Variants in GPC5 observed in about 807,000 individuals in gnomAD.
The protein encoded by GPC5 is glypican 5, also known as glypican-5.
A neutral mutation model predicts 53.9 loss-of-function variants in GPC5; 47 were observed. That is an observed-to-expected ratio of 0.87 (90% CI 0.69 to 1.11). The LOEUF (loss-of-function observed/expected upper bound fraction) is 1.11. Ranked by LOEUF, GPC5 falls within the 50% of genes most tolerant of loss-of-function variation. GPC5 has a pLI of 0.00. For synonymous variants in GPC5, 286 were observed against 263.3 expected, an observed-to-expected ratio of 1.09 and a Z score of -0.84; for missense variants, 748 against 713.1, an observed-to-expected ratio of 1.05 and a Z score of -0.56.
chr13:91,923,776 A>C (rs2039740429), intron 6 of GPC5, among the ~76,000 whole-genome samples: 1 of 152,148 alleles, frequency 6.6e-6, no homozygotes, highest in Admixed American at 6.5e-5. Context: ...TTATCAAACC[A>C]GGCCTGAAAC....
At chr13:91,410,626 G>C (rs28450250) in intron 1 of GPC5, among the ~76,000 whole-genome samples, 7 of 151,722 alleles carry the variant, frequency 4.6e-5, no homozygotes, top group Non-Finnish European at 7.4e-5. Context: ...GATTACAGGC[G>C]TGAGCCACTA....
intron 7 of GPC5, among the ~76,000 whole-genome samples, chr13:92,853,851 T>C (rs1878896238): frequency 6.6e-6 from 1 of 152,178 alleles, no homozygotes; most frequent in South Asian, 2.1e-4. Flanking sequence ...GAATATCCAA[T>C]AGTGCCGCAT....
Position 91,908,067 on chromosome 13 carries a change from G to A in GPC5, c.1401+10G>A. 1 of 1,511,384 alleles carries A rather than the reference G, an allele frequency of 6.6e-7. No individual in the cohort carries two copies. The highest frequency in any genetic ancestry group is 8.8e-7 in the Non-Finnish European group (1 of 1,137,874). The allele number at this position is 1,511,384 out of a possible 1,614,324, so 93.6% of individuals were successfully genotyped here. ...GAAGCATGTTGTTCAGGTAAGTCCT[G>A]ATCCTATATTTATTAGTATACTCAG... On this transcript the variant is annotated intron_variant, in intron 6 of 7. Coordinates refer to ENST00000377067, the MANE Select transcript of GPC5 (RefSeq NM_004466.6).
chr13:91,673,120 A>T (rs564250167), intron 2 of GPC5, among the ~76,000 whole-genome samples: 1 of 152,250 alleles, frequency 6.6e-6, no homozygotes, highest in East Asian at 1.9e-4. Context: ...AGGATGGGCC[A>T]ATAGGTACAG....
At chr13:92,116,105 A>G (rs2138935559) in intron 6 of GPC5, among the ~76,000 whole-genome samples, 1 of 152,228 alleles carries the variant, frequency 6.6e-6, no homozygotes, top group Non-Finnish European at 1.5e-5. Flanking sequence ...TCAGAAAAAA[A>G]ATAAGTGTGG....
intron 7 of GPC5, among the ~76,000 whole-genome samples, chr13:92,176,225 G>A (rs2042108461): frequency 6.6e-6 from 1 of 151,958 alleles, no homozygotes; most frequent in African/African-American, 2.4e-5. Context: ...CTCAGATGAT[G>A]ATGGCACTGC....
At chr13:92,635,066 CATTTAT>C (rs1885370064) in intron 7 of GPC5, among the ~76,000 whole-genome samples, 1 of 151,724 alleles carries the variant, frequency 6.6e-6, no homozygotes, top group Non-Finnish European at 1.5e-5. Flanking sequence ...CTGAAATATA[CATTTAT>C]AGTTCTTATA....
intron 6 of GPC5, among the ~76,000 whole-genome samples, chr13:92,033,918 C>T (rs951582868): frequency 1.3e-5 from 2 of 152,174 alleles, no homozygotes; most frequent in East Asian, 1.9e-4. Context: ...GCCTTAATTT[C>T]GTCATTTGAA....
intron 7 of GPC5, among the ~76,000 whole-genome samples, chr13:92,298,731 C>G (rs938458108): frequency 6.6e-6 from 1 of 152,212 alleles, no homozygotes; most frequent in African/African-American, 2.4e-5. Flanking sequence ...TGTGGGTCGT[C>G]TCAGGTTTCC....
intron 2 of GPC5, among the ~76,000 whole-genome samples, chr13:91,515,971 C>T (rs1200115851): frequency 6.6e-6 from 1 of 152,172 alleles, no homozygotes; most frequent in Non-Finnish European, 1.5e-5. Context: ...ATAAACCCAT[C>T]AGATTTTGTG....
At chr13:92,245,065 G>T (rs375853449) in intron 7 of GPC5, among the ~76,000 whole-genome samples, 56 of 149,730 alleles carry the variant, frequency 3.7e-4, no homozygotes, top group African/African-American at 1.3e-3. Flanking sequence ...CTTGCACATT[G>T]TCCTTCTGGT....
chr13:92,447,460 C>T (rs1302972035), intron 7 of GPC5: 5 of 151,148 alleles, frequency 3.3e-5, no homozygotes, highest in African/African-American at 1.2e-4. Context: ...AACTAGACCA[C>T]AATAAGAATA....
chr13:91,993,612 G>A (rs2040477105), intron 6 of GPC5, among the ~76,000 whole-genome samples: 1 of 152,114 alleles, frequency 6.6e-6, no homozygotes, highest in South Asian at 2.1e-4. Context: ...CTGTGTGTGT[G>A]CACGCACTCA....
At chr13:91,547,566 T>C (rs1264371108) in intron 2 of GPC5, among the ~76,000 whole-genome samples, 1 of 152,040 alleles carries the variant, frequency 6.6e-6, no homozygotes, top group Non-Finnish European at 1.5e-5. Context: ...TTACCAAACA[T>C]TTGAGGAAAA....
intron 7 of GPC5, among the ~76,000 whole-genome samples, chr13:92,307,908 T>G (rs1009446503): frequency 6.6e-6 from 1 of 152,260 alleles, no homozygotes; most frequent in Non-Finnish European, 1.5e-5. Flanking sequence ...TTTTGTTATG[T>G]CCATGTTTAA....
intron 7 of GPC5, among the ~76,000 whole-genome samples, chr13:92,159,123 A>T (rs17299494): frequency 0.043 from 6,579 of 152,274 alleles, 277 homozygotes; most frequent in African/African-American, 0.1. Flanking sequence ...AATTGTGCTT[A>T]CGTAAACTAC....
At chr13:91,853,593 G>C (rs1205201997) in intron 5 of GPC5, among the ~76,000 whole-genome samples, 1 of 151,922 alleles carries the variant, frequency 6.6e-6, no homozygotes, top group Non-Finnish European at 1.5e-5. Flanking sequence ...TTCTAGAAAG[G>C]TAGTCAGATT....
At chr13:91,636,626 G>T (rs574791656) in intron 2 of GPC5, among the ~76,000 whole-genome samples, 1 of 152,048 alleles carries the variant, frequency 6.6e-6, no homozygotes, top group Non-Finnish European at 1.5e-5. Flanking sequence ...TCTCCCAGTG[G>T]CATGTTTTCC....
chr13:91,552,071 G>A (rs1302715004), intron 2 of GPC5, among the ~76,000 whole-genome samples: 1 of 151,896 alleles, frequency 6.6e-6, no homozygotes, highest in East Asian at 1.9e-4. Context: ...AAAGTAAACT[G>A]GATTTTTATT....
Sources: allele counts gnomAD v4.1 joint callset (sites outside exome capture counted in the v4.1 genomes callset), GRCh38; gene constraint gnomAD v4.1.1; transcripts MANE v1.5; gene names NCBI Gene and HGNC (gene_info 2026-07-23, HGNC 2026-07-21).